PPM1B: variants seen among roughly 807,000 people sequenced by gnomAD.
The protein encoded by PPM1B is protein phosphatase 1B.
In PPM1B, 22 loss-of-function variants were observed where a neutral mutation model predicts 43.0. The observed-to-expected ratio is 0.51, with a 90% CI of 0.37 to 0.73. PPM1B has a LOEUF of 0.73. PPM1B is among the 30% of genes least tolerant of loss of function. The pLI, the probability that PPM1B is intolerant of heterozygous loss-of-function variation, is 0.00. For synonymous variants in PPM1B, 217 were observed against 197.9 expected (o/e 1.10, Z -0.81); for missense variants, 632 against 584.2 (o/e 1.08, Z -0.84).
intron 1 of PPM1B, among the ~76,000 whole-genome samples, chr2:44,187,850 C>T (rs1445406646): frequency 2.0e-5 from 3 of 151,966 alleles, no homozygotes; most frequent in South Asian, 2.1e-4. Flanking sequence ...CCCGGGTTCA[C>T]GCCATTCTCC....
chr2:44,246,422 A>T (rs890655703), downstream of PPM1B, among the ~76,000 whole-genome samples: 1 of 152,132 alleles, frequency 6.6e-6, no homozygotes, highest in South Asian at 2.1e-4. Flanking sequence ...TATGTTAGCT[A>T]TCTTCTTCTT....
chr2:44,209,431 CAAAA>C, intron 3 of PPM1B, 104 bp downstream of exon 3: 1 of 889,990 alleles, frequency 1.1e-6, no homozygotes, highest in African/African-American at 1.8e-5. Flanking sequence ...GGCTCTGTCT[CAAAA>C]AAAAAAAAAT....
chr2:44,174,137 T>C, intron 1 of PPM1B, among the ~76,000 whole-genome samples: 1 of 152,258 alleles, frequency 6.6e-6, no homozygotes, highest in East Asian at 1.9e-4. Flanking sequence ...AAATATAAAA[T>C]GGATTCAAAC....
chr2:44,175,670 C>G (rs1262681403), intron 1 of PPM1B, among the ~76,000 whole-genome samples: 1 of 151,894 alleles, frequency 6.6e-6, no homozygotes, highest in Non-Finnish European at 1.5e-5. Context: ...GTGATTAGAG[C>G]TTTACTATTT....
intron 2 of PPM1B, among the ~76,000 whole-genome samples, chr2:44,204,934 A>G (rs566360371): frequency 2.0e-5 from 3 of 149,760 alleles, no homozygotes; most frequent in African/African-American, 4.9e-5. Context: ...TAAGTGTTGT[A>G]TGACTGTGGT....
At chr2:44,187,863 C>A (rs1314224596) in intron 1 of PPM1B, among the ~76,000 whole-genome samples, 1 of 152,128 alleles carries the variant, frequency 6.6e-6, no homozygotes, top group African/African-American at 2.4e-5. Flanking sequence ...CATTCTCCTG[C>A]CTCATCCTCC....
intron 1 of PPM1B, among the ~76,000 whole-genome samples, chr2:44,182,309 G>C (rs1244656504): frequency 6.6e-6 from 1 of 152,020 alleles, no homozygotes; most frequent in African/African-American, 2.4e-5. Flanking sequence ...GCCCAGGCTG[G>C]AGTGCAATGA....
chr2:44,175,972 G>A (rs1667564706), intron 1 of PPM1B, among the ~76,000 whole-genome samples: 2 of 152,052 alleles, frequency 1.3e-5, no homozygotes. Context: ...TTTTAGTAGA[G>A]ATGGGGTTTC....
At chr2:44,233,401 G>C, downstream of PPM1B, 1 of 982,458 alleles carries the variant, frequency 1.0e-6, no homozygotes. Context: ...AGATTTATTA[G>C]TTTAATTCTA....
intron 1 of PPM1B, among the ~76,000 whole-genome samples, chr2:44,199,935 A>C (rs1668854778): frequency 6.6e-6 from 1 of 152,164 alleles, no homozygotes; most frequent in Non-Finnish European, 1.5e-5. Context: ...AATAATGATC[A>C]TACCTGGAAA....
At chr2:44,180,197 A>G (rs1022819134) in intron 1 of PPM1B, among the ~76,000 whole-genome samples, 1 of 152,022 alleles carries the variant, frequency 6.6e-6, no homozygotes, top group South Asian at 2.1e-4. Context: ...TCCTTCATAT[A>G]TTTCTCCCTT....
rs1054074888 is a variant in PPM1B at position 44,182,106 on chromosome 2, A to G, written c.-15+12832A>G. On this transcript the variant is annotated intron_variant, in intron 1 of 5. Coordinates refer to ENST00000282412, the MANE Select transcript of PPM1B (RefSeq NM_002706.6). ...TTACGACTGATAGTTGGCTAATTCTACCACACAGGACATCAGTGTTTGAGC... is the reference window on the plus strand; with the variant it reads ...TTACGACTGATAGTTGGCTAATTCTGCCACACAGGACATCAGTGTTTGAGC... Among the ~76,000 whole-genome samples the G allele has an allele frequency of 3.3e-5, 5 of 152,290 alleles. 1 individual carries two copies. Among genetic ancestry groups the G allele is most frequent in the South Asian group, 4.2e-4 (2 of 4,814 alleles).
At chr2:44,205,731 ATTAT>A (rs1158439587) in intron 2 of PPM1B, among the ~76,000 whole-genome samples, 2 of 152,148 alleles carry the variant, frequency 1.3e-5, no homozygotes, top group Non-Finnish European at 2.9e-5. Flanking sequence ...CTTTTAAAAC[ATTAT>A]TTGATTTTCC....
chr2:44,245,105 A>T (rs1322598541), downstream of PPM1B, among the ~76,000 whole-genome samples: 4 of 152,052 alleles, frequency 2.6e-5, no homozygotes, highest in Non-Finnish European at 5.9e-5. Context: ...AGGCGCTTTC[A>T]CACCAAAAAC....
At chr2:44,197,264 C>T (rs1031775961) in intron 1 of PPM1B, among the ~76,000 whole-genome samples, 3 of 152,070 alleles carry the variant, frequency 2.0e-5, no homozygotes, top group African/African-American at 7.2e-5. Flanking sequence ...AGGCTACAGC[C>T]GTGCGCCACC....
intron 1 of PPM1B, among the ~76,000 whole-genome samples, chr2:44,173,050 C>T (rs1014478725): frequency 6.6e-6 from 1 of 152,220 alleles, no homozygotes; most frequent in African/African-American, 2.4e-5. Context: ...CGTGGTGGCT[C>T]ACGCCCATAA....
chr2:44,211,717 C>A (rs1446631816), intron 3 of PPM1B, among the ~76,000 whole-genome samples: 1 of 148,512 alleles, frequency 6.7e-6, no homozygotes, highest in East Asian at 2.0e-4. Context: ...AGAATGATAG[C>A]CAACTGGTGA....
At chr2:44,224,404 G>A (rs1383997954) in intron 5 of PPM1B, among the ~76,000 whole-genome samples, 2 of 134,414 alleles carry the variant, frequency 1.5e-5, no homozygotes, top group Non-Finnish European at 3.1e-5. Flanking sequence ...TCAGTGAGCT[G>A]AAATCGTGCC....
chr2:44,220,608 C>G (rs907575189), intron 5 of PPM1B, among the ~76,000 whole-genome samples: 1 of 152,188 alleles, frequency 6.6e-6, no homozygotes, highest in African/African-American at 2.4e-5. Flanking sequence ...AGGGAGAAGA[C>G]TAGAAAACGT....
Sources: gnomAD v4.1 joint callset for allele counts (sites outside exome capture counted in the v4.1 genomes callset) on GRCh38, gnomAD v4.1.1 for gene constraint, MANE v1.5 for transcripts, NCBI Gene and HGNC (gene_info 2026-07-23, HGNC 2026-07-21) for gene names.